Variants in RAPGEF2 observed in about 807,000 individuals in gnomAD.
The protein encoded by RAPGEF2 is Rap guanine nucleotide exchange factor 2.
Under a neutral mutation model 186.7 loss-of-function variants are expected in RAPGEF2, and 54 were observed. That is an observed-to-expected ratio of 0.29 (90% CI 0.23 to 0.36). The LOEUF (loss-of-function observed/expected upper bound fraction) is 0.36. Among genes scored for constraint, RAPGEF2 ranks in the 10% least tolerant of loss-of-function variants. RAPGEF2 has a pLI of 1.00. For synonymous variants in RAPGEF2, 712 were observed against 705.9 expected (o/e 1.01, Z -0.14); for missense variants, 1,532 against 2,045.0 (o/e 0.75, Z 4.84).
intron 25 of RAPGEF2, among the ~76,000 whole-genome samples, chr4:159,347,335 C>T (rs1031598827): frequency 2.2e-4 from 34 of 152,330 alleles, no homozygotes; most frequent in African/African-American, 6.5e-4. Flanking sequence ...AACCAACAAA[C>T]TGCTGGGATT....
At chr4:159,170,829 G>A (rs370741843) in intron 1 of RAPGEF2, among the ~76,000 whole-genome samples, 1 of 150,980 alleles carries the variant, frequency 6.6e-6, no homozygotes, top group African/African-American at 2.4e-5. Context: ...TTAGTTTTAC[G>A]GTTCCAGGTC....
At chr4:159,243,970 A>G (rs1754308959) in intron 7 of RAPGEF2, among the ~76,000 whole-genome samples, 179 bp downstream of exon 7, 1 of 151,944 alleles carries the variant, frequency 6.6e-6, no homozygotes, top group Non-Finnish European at 1.5e-5. Flanking sequence ...CTTGATCTGT[A>G]CAGACCTGGG....
chr4:159,276,727 G>A (rs935961689), intron 7 of RAPGEF2, among the ~76,000 whole-genome samples: 6 of 151,528 alleles, frequency 4.0e-5, no homozygotes, highest in East Asian at 1.9e-4. Flanking sequence ...TTTCTTTACC[G>A]TTCATTGTCC....
intron 1 of RAPGEF2, among the ~76,000 whole-genome samples, chr4:159,177,693 T>TTG (rs1746582134): frequency 6.6e-6 from 1 of 152,272 alleles, no homozygotes; most frequent in East Asian, 1.9e-4. Context: ...AACCATACCG[T>TTG]ATCAATAAAC....
chr4:159,133,589 ATTAT>A (rs1202792024), intron 1 of RAPGEF2, among the ~76,000 whole-genome samples: 1 of 131,810 alleles, frequency 7.6e-6, no homozygotes, highest in African/African-American at 2.9e-5. Context: ...TTTTTTGTAT[ATTAT>A]TTATTTATTT....
At chr4:159,312,950 C>A (rs1315770385) in intron 8 of RAPGEF2, among the ~76,000 whole-genome samples, 1 of 152,096 alleles carries the variant, frequency 6.6e-6, no homozygotes, top group East Asian at 1.9e-4. Context: ...GAGTTCAAGA[C>A]TGGCCAAGCC....
chr4:159,283,039 A>G (rs1295562425), intron 7 of RAPGEF2, among the ~76,000 whole-genome samples: 2 of 152,192 alleles, frequency 1.3e-5, no homozygotes, highest in Non-Finnish European at 2.9e-5. Context: ...CTCTAAATAC[A>G]GTGTTTATAG....
chr4:159,209,827 A>G (rs935370084), intron 3 of RAPGEF2, among the ~76,000 whole-genome samples: 5 of 152,196 alleles, frequency 3.3e-5, no homozygotes, highest in African/African-American at 1.2e-4. Flanking sequence ...ATTTGTTTTT[A>G]TATAATTGTA....
At chr4:159,249,841 C>T (rs1755100734) in intron 7 of RAPGEF2, among the ~76,000 whole-genome samples, 1 of 151,768 alleles carries the variant, frequency 6.6e-6, no homozygotes, top group African/African-American at 2.4e-5. Flanking sequence ...TTAAAGAAAC[C>T]CAGATACCAT....
chr4:159,301,174 A>G (rs930485788), intron 7 of RAPGEF2, among the ~76,000 whole-genome samples: 1 of 152,124 alleles, frequency 6.6e-6, no homozygotes, highest in Non-Finnish European at 1.5e-5. Context: ...GCAGTTTGAG[A>G]CCAGCTTGGC....
chr4:159,325,074 G>A lies in RAPGEF2; in HGVS notation c.1149+1457G>A, dbSNP rs138941731. Among the ~76,000 whole-genome samples the A allele has an allele frequency of 8.6e-5, 13 of 151,988 alleles. No individual in the cohort carries two copies. In the East Asian group the frequency reaches 2.5e-3, roughly 29 times the overall value. On this transcript the variant is annotated intron_variant, in intron 11 of 29. Coordinates refer to ENST00000691494, the MANE Select transcript of RAPGEF2 (RefSeq NM_001394067.2). ...TCACTCATTTAAATATTCATTTTAA[G>A]CATTTTACTTACTAAAAAGAAAAAT...
Position 159,330,295 on chromosome 4 carries a change from G to GTGTGTGTGTGTGTGTATA in RAPGEF2, c.1303-38_1303-37insGTGTGTGTGTGTGTATAT. ...TGTGTGTGTGTGTGTGTGTGTGTGT[G>GTGTGTGTGTGTGTGTATA]TATATATATGTAGTAATTAAACCTT... On this transcript the variant is annotated intron_variant, in intron 12 of 29. Coordinates refer to ENST00000691494, the MANE Select transcript of RAPGEF2 (RefSeq NM_001394067.2). 8.7e-6 allele frequency: 8 copies of GTGTGTGTGTGTGTGTATA among 923,986 alleles called. 1 individual carries two copies. In the South Asian group the frequency reaches 1.1e-4, roughly 13 times the overall value. 57.2% of individuals were successfully genotyped at this position (923,986 alleles called of 1,614,324 possible). A position where few individuals can be genotyped will look rare whatever the true frequency, so the allele number is the denominator to read the frequency against.
At chr4:159,165,582 T>G (rs1745216152) in intron 1 of RAPGEF2, among the ~76,000 whole-genome samples, 1 of 152,234 alleles carries the variant, frequency 6.6e-6, no homozygotes, top group Non-Finnish European at 1.5e-5. Context: ...CATTTTAGCA[T>G]GTTGGATACT....
At chr4:159,292,137 A>G (rs560016428) in intron 7 of RAPGEF2, among the ~76,000 whole-genome samples, 2 of 152,272 alleles carry the variant, frequency 1.3e-5, no homozygotes, top group South Asian at 4.1e-4. Context: ...TGAGCTCCCA[A>G]AACCCTTCAG....
At chr4:159,350,650 A>G (rs1731046135) in intron 26 of RAPGEF2, among the ~76,000 whole-genome samples, 1 of 152,222 alleles carries the variant, frequency 6.6e-6, no homozygotes, top group African/African-American at 2.4e-5. Context: ...TGAAAAACTA[A>G]TATCTTCCTG....
intron 4 of RAPGEF2, among the ~76,000 whole-genome samples, chr4:159,213,731 C>T (rs1479331804): frequency 6.6e-6 from 1 of 151,810 alleles, no homozygotes; most frequent in Non-Finnish European, 1.5e-5. Context: ...TGTATTTTTA[C>T]TTTGGTTGTT....
chr4:159,291,125 A>C (rs2110957044), intron 7 of RAPGEF2, among the ~76,000 whole-genome samples: 1 of 152,334 alleles, frequency 6.6e-6, no homozygotes, highest in Admixed American at 6.5e-5. Flanking sequence ...ATTATTGTCT[A>C]GCTCAGTTGT....
At chr4:159,295,645 TG>T (rs1761848071) in intron 7 of RAPGEF2, among the ~76,000 whole-genome samples, 1 of 151,952 alleles carries the variant, frequency 6.6e-6, no homozygotes, top group South Asian at 2.1e-4. Context: ...CTATTGTTCT[TG>T]ATGCCAGATA....
intron 7 of RAPGEF2, among the ~76,000 whole-genome samples, chr4:159,297,788 A>G (rs1209649926): frequency 6.6e-6 from 1 of 152,188 alleles, no homozygotes; most frequent in Non-Finnish European, 1.5e-5. Context: ...TGGAAAAATG[A>G]CAGAAGAAAT....
Sources: gnomAD v4.1 joint callset for allele counts (sites outside exome capture counted in the v4.1 genomes callset) on GRCh38, gnomAD v4.1.1 for gene constraint, MANE v1.5 for transcripts, NCBI Gene and HGNC (gene_info 2026-07-23, HGNC 2026-07-21) for gene names.